The following ORC2 variants were observed in gnomAD, a reference collection of about 807,000 sequenced individuals.
The protein encoded by ORC2 is origin recognition complex subunit 2, also known as origin recognition complex protein 2 homolog.
In ORC2, 37 loss-of-function variants were observed where a neutral mutation model predicts 77.7. That is an observed-to-expected ratio of 0.48 (90% CI 0.37 to 0.63). The LOEUF is 0.63. Among genes scored for constraint, ORC2 ranks in the 20% least tolerant of loss-of-function variants. The pLI is 0.00. For synonymous variants in ORC2, 201 were observed against 229.5 expected (o/e 0.88, Z 1.12); for missense variants, 557 against 661.9 (o/e 0.84, Z 1.74).
At position 200,909,702 on chromosome 2, in the gene ORC2, A is replaced by G. The variant is rs1199214857; in HGVS notation, c.*1599T>C. On this transcript the variant is annotated 3_prime_UTR_variant, in exon 18 of 18. Coordinates refer to ENST00000234296, the MANE Select transcript of ORC2 (RefSeq NM_006190.5). Reference sequence around the variant, plus strand: ...GATGACAGTGCAATTCCATCTAAAAAAAAAAAAAAAAAAAAAAAGACTAAG... The same window carrying G: ...GATGACAGTGCAATTCCATCTAAAAGAAAAAAAAAAAAAAAAAAGACTAAG... The G allele has an allele frequency of 6.7e-6, 1 of 150,320 alleles. No homozygotes were observed. The highest frequency in any genetic ancestry group is 6.6e-5 in the Admixed American group (1 of 15,190). 9.3% of individuals were successfully genotyped at this position (150,320 alleles called of 1,614,324 possible).
intron 11 of ORC2, among the ~76,000 whole-genome samples, chr2:200,929,132 G>T (rs1302286673): frequency 2.6e-5 from 4 of 152,044 alleles, no homozygotes; most frequent in Non-Finnish European, 4.4e-5. Context: ...TGTATTTTTA[G>T]TAGAGACAGG....
In ORC2 at chr2:200,959,457, A is replaced by G. The variant is rs1249575526; in HGVS notation, c.-59-17T>C. The G allele has an allele frequency of 6.6e-6, 1 of 152,248 alleles. No homozygotes were observed. Among genetic ancestry groups the G allele is most frequent in the Non-Finnish European group, 1.5e-5 (1 of 68,040 alleles). 9.4% of individuals were successfully genotyped at this position (152,248 alleles called of 1,614,324 possible). On this transcript the variant is annotated splice_polypyrimidine_tract_variant and intron_variant, in intron 1 of 17. Transcript: ENST00000234296. Reference sequence around the variant, plus strand: ...TACAGTCACCTGTAATTGGAAAAATAACTCAGTCAGGGTCAGCTAGCAGAA... The same window carrying G: ...TACAGTCACCTGTAATTGGAAAAATGACTCAGTCAGGGTCAGCTAGCAGAA...
intron 1 of ORC2, chr2:200,963,105 C>T: frequency 4.9e-6 from 1 of 205,088 alleles, no homozygotes; most frequent in Non-Finnish European, 9.7e-6. Context: ...CTTTTCCAAC[C>T]AGAGGGCTTC....
chr2:200,915,819 G>A lies in ORC2; in HGVS notation c.1467-1827C>T, dbSNP rs2040639096. ...AGCGATTTTCATGCCTCAGACTCCT[G>A]AGTAGTTGCGATTACAGGTGGACAC... On this transcript the variant is annotated intron_variant, in intron 15 of 17. Coordinates refer to ENST00000234296, the MANE Select transcript of ORC2 (RefSeq NM_006190.5). Among the ~76,000 whole-genome samples, 3 of 152,002 alleles carry A rather than the reference G, an allele frequency of 2.0e-5. No individual in the cohort carries two copies. In the South Asian group the frequency reaches 6.2e-4, roughly 32 times the overall value.
In ORC2 at chr2:200,949,519, G is replaced by T. The variant is rs372007069; in HGVS notation, c.328+35C>A. 16 of 1,102,236 alleles carry T rather than the reference G, an allele frequency of 1.5e-5. No individual in the cohort carries two copies. In the African/African-American group the frequency reaches 2.5e-4, roughly 17 times the overall value. The allele number at this position is 1,102,236 out of a possible 1,614,324, so 68.3% of individuals were successfully genotyped here. ...TGGTTAAATCTACCTTAGGAAAGAT[G>T]AGTAATAGTTATAGAAATCAGAAAA... On this transcript the variant is annotated intron_variant, in intron 5 of 17. Coordinates refer to ENST00000234296, the MANE Select transcript of ORC2 (RefSeq NM_006190.5).
In ORC2 at chr2:200,909,088, T is replaced by C. The variant is rs2040512692; in HGVS notation, c.*2213A>G. 6.6e-6 allele frequency: 1 copy of C among 152,150 alleles called. No individual in the cohort carries two copies. Among genetic ancestry groups the C allele is most frequent in the African/African-American group, 2.4e-5 (1 of 41,432 alleles). 9.4% of individuals were successfully genotyped at this position (152,150 alleles called of 1,614,324 possible). A position where few individuals can be genotyped will look rare whatever the true frequency, so the allele number is the denominator to read the frequency against. ...AATTATAAAAATAAACCAGTAGATA[T>C]TTAGGGCAGATGCAAAAATTTGCAC... On this transcript the variant is annotated 3_prime_UTR_variant, in exon 18 of 18. Transcript: ENST00000234296.
chr2:200,925,987 C>A, intron 12 of ORC2, 55 bp from the exon 13 acceptor site: 1 of 738,372 alleles, frequency 1.4e-6, no homozygotes, highest in Non-Finnish European at 2.2e-6. Flanking sequence ...TTGTCATATA[C>A]AACTAGAAAA....
At chr2:200,911,692 G>A (rs574198265) in intron 17 of ORC2, among the ~76,000 whole-genome samples, 1 of 152,184 alleles carries the variant, frequency 6.6e-6, no homozygotes, top group African/African-American at 2.4e-5. Flanking sequence ...TGATGTCTGT[G>A]TCCTTTCTTC....
chr2:200,912,863 T>C (rs193282353), intron 17 of ORC2, among the ~76,000 whole-genome samples: 28 of 152,346 alleles, frequency 1.8e-4, no homozygotes, highest in Admixed American at 1.7e-3. Flanking sequence ...ATGTTATGTG[T>C]GCGATTACTT....
At chr2:200,915,403 T>C (rs753697450) in intron 15 of ORC2, among the ~76,000 whole-genome samples, 15 of 152,220 alleles carry the variant, frequency 9.9e-5, no homozygotes, top group Non-Finnish European at 1.6e-4. Flanking sequence ...CATTTCCCTA[T>C]TGGTTTGGAT....
At chr2:200,954,390 T>G (rs1447621292) in intron 4 of ORC2, among the ~76,000 whole-genome samples, 2 of 152,286 alleles carry the variant, frequency 1.3e-5, no homozygotes, top group East Asian at 1.9e-4. Context: ...CTGTATAAAC[T>G]TTAGGAGGAT....
intron 9 of ORC2, 56 bp downstream of exon 9, chr2:200,935,643 A>G: frequency 8.1e-7 from 1 of 1,229,296 alleles, no homozygotes; most frequent in Non-Finnish European, 1.1e-6. Flanking sequence ...AGGGTAGCCT[A>G]TCTTTGAAAT....
intron 1 of ORC2, among the ~76,000 whole-genome samples, chr2:200,961,391 A>G (rs919533841): frequency 6.6e-6 from 1 of 152,100 alleles, no homozygotes; most frequent in South Asian, 2.1e-4. Context: ...AGCTCAAGCA[A>G]TCTGCCCACC....
chr2:200,947,764 TTCACTCTG>T (rs1212043747), intron 5 of ORC2, among the ~76,000 whole-genome samples: 1 of 151,976 alleles, frequency 6.6e-6, no homozygotes, highest in Non-Finnish European at 1.5e-5. Flanking sequence ...GAGACAGGGT[TTCACTCTG>T]TCACCCAGGC....
intron 7 of ORC2, among the ~76,000 whole-genome samples, chr2:200,939,576 C>T (rs1214372408): frequency 6.6e-6 from 1 of 152,122 alleles, no homozygotes; most frequent in Non-Finnish European, 1.5e-5. Context: ...TCTACCAATC[C>T]TAAAATATCA....
chr2:200,957,369 G>T, intron 4 of ORC2, 32 bp downstream of exon 4: 1 of 1,507,784 alleles, frequency 6.6e-7, no homozygotes, highest in Non-Finnish European at 8.9e-7. Context: ...GCTACTAGCA[G>T]AAACGAGTGT....
chr2:200,953,536 TA>T (rs1283548769), intron 4 of ORC2, among the ~76,000 whole-genome samples: 11 of 152,040 alleles, frequency 7.2e-5, no homozygotes, highest in African/African-American at 2.7e-4. Context: ...GGTGGTTCCT[TA>T]AAAAATTAAA....
At chr2:200,933,775 A>G (rs2040984087) in intron 10 of ORC2, 101 bp downstream of exon 10, 1 of 620,042 alleles carries the variant, frequency 1.6e-6, no homozygotes, top group African/African-American at 1.8e-5. Context: ...TGATCAGGAC[A>G]ATAATTCTAC....
At chr2:200,960,837 C>T (rs569604758) in intron 1 of ORC2, among the ~76,000 whole-genome samples, 25 of 150,030 alleles carry the variant, frequency 1.7e-4, no homozygotes, top group African/African-American at 6.1e-4. Flanking sequence ...AGTGCAGAGG[C>T]TCAGTTTCAG....
Sources: allele counts gnomAD v4.1 joint callset (sites outside exome capture counted in the v4.1 genomes callset), GRCh38; gene constraint gnomAD v4.1.1; transcripts MANE v1.5; gene names NCBI Gene and HGNC (gene_info 2026-07-23, HGNC 2026-07-21).